KIF11: variants seen among roughly 807,000 people sequenced by gnomAD.
KIF11 encodes the protein kinesin-like protein KIF11.
Under a neutral mutation model 121.0 loss-of-function variants are expected in KIF11, and 9 were observed. The observed-to-expected ratio is 0.07, with a 90% CI of 0.04 to 0.13. The LOEUF is 0.13. KIF11 is among the 10% of genes least tolerant of loss of function. The pLI is 1.00. For missense variants in KIF11, 846 were observed against 1,217.5 expected (o/e 0.69, Z 4.54); for synonymous variants, 408 against 421.0 (o/e 0.97, Z 0.38).
chr10:92,605,684 G>T (rs11812310), intron 1 of KIF11, among the ~76,000 whole-genome samples: 1 of 151,824 alleles, frequency 6.6e-6, no homozygotes. Flanking sequence ...CAGAGTTTCT[G>T]CATGTTGGTC....
chr10:92,625,950 T>C (rs919134519), intron 10 of KIF11, among the ~76,000 whole-genome samples: 1 of 152,120 alleles, frequency 6.6e-6, no homozygotes, highest in Non-Finnish European at 1.5e-5. Context: ...ATGGAAAAAC[T>C]TTCCATGCTC....
intron 9 of KIF11, among the ~76,000 whole-genome samples, chr10:92,618,898 C>T (rs569328852): frequency 6.6e-6 from 1 of 152,274 alleles, no homozygotes; most frequent in South Asian, 2.1e-4. Flanking sequence ...TTTGTAACCA[C>T]TTTTCTTCCC....
intron 14 of KIF11, among the ~76,000 whole-genome samples, chr10:92,635,206 C>T (rs2135917915): frequency 6.6e-6 from 1 of 152,268 alleles, no homozygotes; most frequent in South Asian, 2.1e-4. Context: ...CCCTCTGCCT[C>T]AATTCAGTGC....
rs750343681 is a variant in KIF11, at chr10:92,630,274, G to T, written c.1404G>T (p.Leu468Phe). 1 of 1,609,750 alleles carries T rather than the reference G, an allele frequency of 6.2e-7. No homozygotes were observed. Among genetic ancestry groups the T allele is most frequent in the Non-Finnish European group, 8.5e-7 (1 of 1,177,386 alleles). ...AACTTGAAACCACTCAAAAACATTT[G>T]CAAGAAACTAAATTACAACTTGTTA... ...TQELETTQKH[L>F]QETKLQLVKE... The change falls in exon 12 of 22, where the codon TTG (leucine) becomes TTT (phenylalanine). Residue 468 changes from leucine to phenylalanine, a missense_variant. This residue lies in a region of KIF11 where 95 missense variants were observed against 109.3 expected (regional missense o/e 0.87). Coordinates refer to ENST00000260731, the MANE Select transcript of KIF11 (RefSeq NM_004523.4).
rs922798166 is a variant in KIF11 at position 92,639,809 on chromosome 10, A to T, written c.2176A>T (p.Met726Leu). 1 of 1,607,506 alleles carries T rather than the reference A, an allele frequency of 6.2e-7. No homozygotes were observed. The highest frequency in any genetic ancestry group is 1.3e-5 in the African/African-American group (1 of 74,654). Residue 726 changes from methionine to leucine, a missense_variant, in exon 17 of 22, where the codon ATG becomes TTG. This residue lies in a region of KIF11 where 492 missense variants were observed against 603.4 expected (regional missense o/e 0.82). Coordinates refer to ENST00000260731, the MANE Select transcript of KIF11 (RefSeq NM_004523.4). Reference protein sequence around the residue: ...QTHSQELCKLMNLWTERFCAL... With the variant: ...QTHSQELCKLLNLWTERFCAL... ...TTTCTTACAGGAACTTTGCAAGTTA[A>T]TGAATCTTTGGACAGAGAGATTCTG...
rs1589590545 is a variant in KIF11 at position 92,606,830 on chromosome 10, T to G, written c.308+114T>G. 30 of 723,402 alleles carry G rather than the reference T, an allele frequency of 4.1e-5. No homozygotes were observed. The East Asian group carries it at 7.6e-4, about 18-fold the overall frequency. 44.8% of individuals were successfully genotyped at this position (723,402 alleles called of 1,614,324 possible). ...TTCACTCTTGTTGCCCAGGCTGGAGTGCAATGGCGCGATCTCGGCTCACTG... is the reference window on the plus strand; with the variant it reads ...TTCACTCTTGTTGCCCAGGCTGGAGGGCAATGGCGCGATCTCGGCTCACTG... On this transcript the variant is annotated intron_variant, in intron 3 of 21. Coordinates refer to ENST00000260731, the MANE Select transcript of KIF11 (RefSeq NM_004523.4).
At chr10:92,620,174 G>A (rs1181358571) in intron 9 of KIF11, among the ~76,000 whole-genome samples, 1 of 149,082 alleles carries the variant, frequency 6.7e-6, no homozygotes, top group Non-Finnish European at 1.5e-5. Flanking sequence ...TTCACCTCCT[G>A]GGTTCACACC....
Position 92,593,256 on chromosome 10 carries a change from G to A in KIF11, c.-120G>A, listed in dbSNP as rs1844251126. 4 of 1,001,892 alleles carry A rather than the reference G, an allele frequency of 4.0e-6. No individual in the cohort carries two copies. Among genetic ancestry groups the A allele is most frequent in the Non-Finnish European group, 5.9e-6 (4 of 682,630 alleles). 62.1% of individuals were successfully genotyped at this position (1,001,892 alleles called of 1,614,324 possible). A position where few individuals can be genotyped will look rare whatever the true frequency, so the allele number is the denominator to read the frequency against. On this transcript the variant is annotated 5_prime_UTR_variant, in exon 1 of 22. Coordinates refer to ENST00000260731, the MANE Select transcript of KIF11 (RefSeq NM_004523.4). ...CCGACCTGCGTGCGTCGGTCCTCCA[G>A]GCCACGCCAGCGCCCGAGAGGGACC...
intron 21 of KIF11, among the ~76,000 whole-genome samples, chr10:92,651,907 T>G (rs1353324784): frequency 6.6e-6 from 1 of 151,520 alleles, no homozygotes; most frequent in Admixed American, 6.6e-5. Flanking sequence ...ACGTAGGACA[T>G]TGGTATCTAC....
At chr10:92,601,308 C>G (rs1844367603) in intron 1 of KIF11, among the ~76,000 whole-genome samples, 2 of 152,010 alleles carry the variant, frequency 1.3e-5, no homozygotes, top group African/African-American at 4.8e-5. Context: ...TCAAACGATT[C>G]TCCTGCCTCA....
chr10:92,607,829 T>G (rs2135901479), intron 4 of KIF11, among the ~76,000 whole-genome samples: 2 of 152,204 alleles, frequency 1.3e-5, no homozygotes, highest in South Asian at 4.1e-4. Flanking sequence ...GTTTTAAATT[T>G]AGTAATGTGT....
intron 21 of KIF11, among the ~76,000 whole-genome samples, chr10:92,651,502 A>ATTTTGTTT (rs1564719223): frequency 4.6e-5 from 1 of 21,554 alleles, no homozygotes; most frequent in Non-Finnish European, 8.1e-5. Context: ...TGCCTGGCTA[A>ATTTTGTTT]TTTTGTTTTT....
chr10:92,651,140 C>T (rs1430842493), intron 21 of KIF11, among the ~76,000 whole-genome samples: 4 of 152,050 alleles, frequency 2.6e-5, no homozygotes, highest in African/African-American at 4.8e-5. Flanking sequence ...ATTCTCCTGA[C>T]TCAGCCTCCC....
At chr10:92,621,048 G>C (rs1037338289) in intron 9 of KIF11, among the ~76,000 whole-genome samples, 1 of 152,138 alleles carries the variant, frequency 6.6e-6, no homozygotes, top group Non-Finnish European at 1.5e-5. Context: ...TATTCATCTT[G>C]AATATTTTCT....
intron 10 of KIF11, among the ~76,000 whole-genome samples, chr10:92,622,294 AATAG>A (rs1470838495): frequency 2.6e-5 from 4 of 151,434 alleles, no homozygotes; most frequent in African/African-American, 9.7e-5. Context: ...TAAATAAAAT[AATAG>A]ATAAATAAAA....
rs1589590199 is a variant in KIF11, at chr10:92,606,304, A to G, written c.117A>G (p.Ser39=). ...CAGAGCGGAAAGCTAGCGCCCATTC[A>G]ATAGTAGAATGTGATCCTGTACGAA... ...NLAERKASAH[S]IVECDPVRKE... The change falls in exon 2 of 22, where the codon TCA becomes TCG. Residue 39 remains serine (S), a synonymous_variant. Transcript: ENST00000260731. 1 of 1,607,756 alleles carries G rather than the reference A, an allele frequency of 6.2e-7. No individual in the cohort carries two copies.
intron 1 of KIF11, among the ~76,000 whole-genome samples, chr10:92,605,421 A>G (rs1162026330): frequency 6.6e-6 from 1 of 150,894 alleles, no homozygotes; most frequent in Admixed American, 6.6e-5. Context: ...CTGGCAGATT[A>G]GTATTTTGAA....
intron 11 of KIF11, 38 bp downstream of exon 11, chr10:92,628,933 G>A: frequency 9.1e-7 from 1 of 1,101,356 alleles, no homozygotes; most frequent in Non-Finnish European, 1.3e-6. Context: ...TATGTGAAAA[G>A]CAAATATTGA....
At chr10:92,648,833 A>G (rs749451626) in intron 19 of KIF11, among the ~76,000 whole-genome samples, 1 of 152,216 alleles carries the variant, frequency 6.6e-6, no homozygotes, top group Non-Finnish European at 1.5e-5. Flanking sequence ...GTCATAGACT[A>G]TTGCCATTTA....
Sources: allele counts gnomAD v4.1 joint callset (sites outside exome capture counted in the v4.1 genomes callset), GRCh38; gene constraint gnomAD v4.1.1; regional missense constraint gnomAD v4.1.1; transcripts MANE v1.5; gene names NCBI Gene and HGNC (gene_info 2026-07-23, HGNC 2026-07-21).